Variants in GLIS3 observed in about 807,000 individuals in gnomAD.
The protein encoded by GLIS3 is GLIS family zinc finger 3, also known as zinc finger protein GLIS3.
Under a neutral mutation model 78.6 loss-of-function variants are expected in GLIS3, and 53 were observed. That is an observed-to-expected ratio of 0.67 (90% CI 0.54 to 0.85). The LOEUF is 0.85. GLIS3 is among the 40% of genes least tolerant of loss of function. The pLI is 0.00. For missense variants in GLIS3, 1,703 were observed against 1,231.1 expected (o/e 1.38, Z -5.74); for synonymous variants, 684 against 509.9 (o/e 1.34, Z -4.60).
At chr9:4,400,156 G>A in the GLIS3 span, among the ~76,000 whole-genome samples, 2,526 of 152,294 alleles carry the variant, frequency 0.017, 79 homozygotes, top group African/African-American at 0.057. Flanking sequence ...GAGAAAGATG[G>A]CTCTTCCCCT....
chr9:3,877,600 T>A (rs1385858213), intron 8 of GLIS3, among the ~76,000 whole-genome samples: 1 of 152,220 alleles, frequency 6.6e-6, no homozygotes, highest in East Asian at 1.9e-4. Flanking sequence ...CTTTTTGTAT[T>A]TTTCAGTTTC....
chr9:4,385,782 AAAG>A, the GLIS3 span, among the ~76,000 whole-genome samples: 1 of 76,876 alleles, frequency 1.3e-5, no homozygotes, highest in African/African-American at 6.5e-5. Flanking sequence ...AGAAAGAAAG[AAAG>A]AAAGAAAGAA....
chr9:4,218,466 G>A (rs527591098), intron 2 of GLIS3, among the ~76,000 whole-genome samples: 129 of 152,324 alleles, frequency 8.5e-4, no homozygotes, highest in Admixed American at 8.4e-3. Context: ...TTTTAGTAAA[G>A]ACGGGGTTTC....
upstream of GLIS3, among the ~76,000 whole-genome samples, chr9:4,302,054 G>C (rs983463811): frequency 4.0e-5 from 6 of 151,082 alleles, no homozygotes; most frequent in African/African-American, 1.5e-4. Flanking sequence ...ATGGGTTATA[G>C]TAAAAATGCA....
intron 2 of GLIS3, among the ~76,000 whole-genome samples, chr9:4,134,870 G>A (rs947282181): frequency 6.6e-6 from 1 of 152,176 alleles, no homozygotes; most frequent in African/African-American, 2.4e-5. Context: ...GAAAGACAGA[G>A]TTCTTTGCCA....
chr9:4,116,927 C>T (rs755230181), intron 4 of GLIS3, among the ~76,000 whole-genome samples: 3 of 152,036 alleles, frequency 2.0e-5, no homozygotes, highest in Non-Finnish European at 4.4e-5. Flanking sequence ...AGGGTGATGC[C>T]CTGTTTATAA....
chr9:4,040,144 C>A (rs1481253665), intron 4 of GLIS3, among the ~76,000 whole-genome samples: 1 of 152,072 alleles, frequency 6.6e-6, no homozygotes, highest in African/African-American at 2.4e-5. Context: ...CCATTAATAC[C>A]TTTATTTATG....
At chr9:4,406,271 G>A in the GLIS3 span, among the ~76,000 whole-genome samples, 141 of 152,328 alleles carry the variant, frequency 9.3e-4, no homozygotes, top group African/African-American at 2.3e-3. Context: ...AACTGGAAAG[G>A]AAGAAGTCAA....
chr9:4,331,676 G>A (rs181343305), intron 2 of GLIS3, among the ~76,000 whole-genome samples: 257 of 152,272 alleles, frequency 1.7e-3, no homozygotes, highest in Non-Finnish European at 1.5e-3. Context: ...GGGTTATGAC[G>A]AAGAAATATG....
intron 4 of GLIS3, among the ~76,000 whole-genome samples, chr9:4,101,251 T>C (rs954428325): frequency 1.3e-5 from 2 of 152,222 alleles, no homozygotes; most frequent in Non-Finnish European, 2.9e-5. Flanking sequence ...AGTGAGATTA[T>C]GCATGGGACA....
At chr9:3,969,557 T>C (rs1818220733) in intron 4 of GLIS3, among the ~76,000 whole-genome samples, 2 of 152,226 alleles carry the variant, frequency 1.3e-5, no homozygotes, top group African/African-American at 4.8e-5. Flanking sequence ...CTCAGGAATA[T>C]GGACCATGAA....
At position 3,827,900 on chromosome 9, in the gene GLIS3, C is replaced by T. The variant is rs759918471; in HGVS notation, c.*372G>A. On this transcript the variant is annotated 3_prime_UTR_variant, in exon 11 of 11. Coordinates refer to ENST00000381971, the MANE Select transcript of GLIS3 (RefSeq NM_001042413.2). ...CCTCTCGTAATTGAGGTCTTTTTCC[C>T]TGTTTGGAGTTTTCAGGTAGAGTCA... 12 of 321,808 alleles carry T rather than the reference C, an allele frequency of 3.7e-5. No homozygotes were observed. Among genetic ancestry groups the T allele is most frequent in the Non-Finnish European group, 6.7e-5 (11 of 165,154 alleles). The allele number at this position is 321,808 out of a possible 1,614,324, so 19.9% of individuals were successfully genotyped here.
At chr9:4,111,952 A>G (rs12555606) in intron 4 of GLIS3, among the ~76,000 whole-genome samples, 41,909 of 152,122 alleles carry the variant, frequency 0.28, 6,075 homozygotes, top group South Asian at 0.39. Context: ...TCAATATTTT[A>G]GTAATTTACC....
chr9:4,367,313 A>G, the GLIS3 span, among the ~76,000 whole-genome samples: 2 of 152,036 alleles, frequency 1.3e-5, no homozygotes, highest in South Asian at 2.1e-4. Context: ...CCTGTTTGGG[A>G]TAATTGTGAC....
chr9:4,256,302 G>T lies in GLIS3; in HGVS notation c.388+29736C>A, dbSNP rs186220658. Among the ~76,000 whole-genome samples, 812 of 152,230 alleles carry T rather than the reference G, an allele frequency of 5.3e-3. 9 individuals carry two copies. Among genetic ancestry groups the T allele is most frequent in the Non-Finnish European group, 8.0e-3 (546 of 68,004 alleles). On this transcript the variant is annotated intron_variant, in intron 2 of 10. Transcript: ENST00000381971. ...ATACCATTCAGCAAATTAAATTAGTGATGGTTTTACATTAAGTATGAAAGG... is the reference window on the plus strand; with the variant it reads ...ATACCATTCAGCAAATTAAATTAGTTATGGTTTTACATTAAGTATGAAAGG...
At chr9:4,147,833 T>C (rs530018528) in intron 2 of GLIS3, among the ~76,000 whole-genome samples, 1 of 149,878 alleles carries the variant, frequency 6.7e-6, no homozygotes, top group East Asian at 2.0e-4. Flanking sequence ...AAAAAAAAAT[T>C]ATAACATTCT....
the GLIS3 span, among the ~76,000 whole-genome samples, chr9:4,380,641 G>A: frequency 2.6e-5 from 4 of 152,194 alleles, no homozygotes; most frequent in South Asian, 6.2e-4. Flanking sequence ...TGGATATTTA[G>A]CAAGCTACCT....
chr9:4,431,891 T>G, the GLIS3 span, among the ~76,000 whole-genome samples: 1 of 151,584 alleles, frequency 6.6e-6, no homozygotes, highest in Non-Finnish European at 1.5e-5. Flanking sequence ...TTAGGCTTTG[T>G]GTGCCCTATG....
the GLIS3 span, among the ~76,000 whole-genome samples, chr9:4,438,717 T>C: frequency 6.6e-6 from 1 of 152,178 alleles, no homozygotes; most frequent in African/African-American, 2.4e-5. Context: ...TGAATAAGTC[T>C]CACAAGATCT....
Sources: allele counts gnomAD v4.1 joint callset (sites outside exome capture counted in the v4.1 genomes callset), GRCh38; gene constraint gnomAD v4.1.1; transcripts MANE v1.5; gene names NCBI Gene and HGNC (gene_info 2026-07-23, HGNC 2026-07-21).